PCDH15: variants seen among roughly 807,000 people sequenced by gnomAD.
PCDH15 encodes protocadherin-15.
A neutral mutation model predicts 178.5 loss-of-function variants in PCDH15; 129 were observed. That is an observed-to-expected ratio of 0.72 (90% CI 0.63 to 0.84). The LOEUF is 0.84. PCDH15 is among the 40% of genes least tolerant of loss of function. PCDH15 has a pLI of 0.00. For synonymous variants in PCDH15, 800 were observed against 732.0 expected (o/e 1.09, Z -1.50); for missense variants, 2,230 against 2,099.9 (o/e 1.06, Z -1.21).
chr10:55,120,787 C>T (rs747364247), intron 2 of PCDH15, among the ~76,000 whole-genome samples: 2 of 152,194 alleles, frequency 1.3e-5, no homozygotes, highest in Non-Finnish European at 2.9e-5. Flanking sequence ...TCAGATACAG[C>T]TTGGGATATA....
intron 2 of PCDH15, among the ~76,000 whole-genome samples, chr10:55,538,343 C>T (rs1205682506): frequency 6.6e-6 from 1 of 152,170 alleles, no homozygotes; most frequent in Admixed American, 6.6e-5. Flanking sequence ...TTTTCATAGA[C>T]AAAAATGTTC....
chr10:54,216,593 C>T (rs2052095302), intron 9 of PCDH15, among the ~76,000 whole-genome samples: 1 of 152,174 alleles, frequency 6.6e-6, no homozygotes, highest in Admixed American at 6.5e-5. Context: ...ATTATTCCTA[C>T]ATTAAGATTT....
chr10:54,993,396 C>T (rs1465799627), intron 2 of PCDH15, among the ~76,000 whole-genome samples: 1 of 152,074 alleles, frequency 6.6e-6, no homozygotes, highest in Non-Finnish European at 1.5e-5. Context: ...TACATTAAGC[C>T]ACAAATCATG....
chr10:53,821,482 T>C (rs1342040601), intron 32 of PCDH15: 2 of 1,022,570 alleles, frequency 2.0e-6, no homozygotes, highest in Non-Finnish European at 2.3e-6. Context: ...GGAACATTCA[T>C]ATAAAACTAC....
rs1565865489 is a variant in PCDH15 at position 54,655,261 on chromosome 10, AGAGAGAGAGAG to A, written c.91+8900_91+8910del. ...GGGAAAGAAAGAAAGAAAGAAAGAG[AGAGAGAGAGAG>A]AGAGAGAGAGAGAGAGAGAGAGAGA... On this transcript the variant is annotated intron_variant, in intron 2 of 37. Coordinates refer to ENST00000644397, the MANE Select transcript of PCDH15 (RefSeq NM_001384140.1). Among the ~76,000 whole-genome samples, 326 of 71,986 alleles carry A rather than the reference AGAGAGAGAGAG, an allele frequency of 4.5e-3. 2 individuals carry two copies. Among genetic ancestry groups the A allele is most frequent in the African/African-American group, 0.013 (268 of 20,846 alleles). The allele number at this position is 71,986 out of a possible 152,430, so 47.2% of individuals were successfully genotyped here.
chr10:54,360,858 G>T (rs950067979), intron 5 of PCDH15, among the ~76,000 whole-genome samples: 9 of 151,982 alleles, frequency 5.9e-5, no homozygotes, highest in Admixed American at 5.9e-4. Context: ...GATTTGAATT[G>T]ACAAATTTAT....
chr10:54,734,358 AT>A (rs1216585855), intron 1 of PCDH15, among the ~76,000 whole-genome samples: 3 of 151,992 alleles, frequency 2.0e-5, no homozygotes, highest in East Asian at 1.9e-4. Flanking sequence ...ACATTATAAT[AT>A]TTTTTTAAAG....
intron 1 of PCDH15, among the ~76,000 whole-genome samples, chr10:55,300,574 A>G: frequency 6.6e-6 from 1 of 152,152 alleles, no homozygotes; most frequent in East Asian, 1.9e-4. Context: ...AAATTCACCC[A>G]ATATTTACAT....
Position 54,831,814 on chromosome 10 carries a change from C to T in PCDH15, c.-29+65636G>A, listed in dbSNP as rs529198033. 5.3e-5 allele frequency among the ~76,000 whole-genome samples: 8 copies of T among 151,948 alleles called. No homozygotes were observed. The East Asian group carries it at 1.5e-3, about 29-fold the overall frequency. On this transcript the variant is annotated intron_variant, in intron 3 of 5. Transcript: ENST00000458638. ...ATTTATTACATGATCAATTGGCCAC[C>T]GTACTTCACTAGCCCATTAATAAAT... is the stretch of plus-strand genomic sequence containing the variant.
At chr10:55,442,470 T>TATATTATATATATATAATATAGATA (rs5785132) in intron 2 of PCDH15, among the ~76,000 whole-genome samples, 1 of 124,698 alleles carries the variant, frequency 8.0e-6, no homozygotes, top group Admixed American at 8.6e-5. Flanking sequence ...TATATATATA[T>TATATTATATATATATAATATAGATA]TATATATATA....
At chr10:54,478,501 C>CTCA in intron 3 of PCDH15, among the ~76,000 whole-genome samples, 1 of 152,234 alleles carries the variant, frequency 6.6e-6, no homozygotes, top group East Asian at 1.9e-4. Flanking sequence ...AATGCTCTAT[C>CTCA]TCATTCCTTT....
chr10:54,586,589 C>T (rs1243085439), intron 2 of PCDH15, among the ~76,000 whole-genome samples: 2 of 152,106 alleles, frequency 1.3e-5, no homozygotes. Context: ...ACATAACTAG[C>T]AAATGCTAAA....
intron 1 of PCDH15, among the ~76,000 whole-genome samples, chr10:54,698,527 A>G (rs2095265595): frequency 6.6e-6 from 1 of 152,096 alleles, no homozygotes; most frequent in Non-Finnish European, 1.5e-5. Context: ...GAGATGAGAT[A>G]TTTGTCATTC....
At position 54,430,532 on chromosome 10, in the gene PCDH15, C is replaced by T. The variant is rs116444861; in HGVS notation, c.158-51590G>A. On this transcript the variant is annotated intron_variant, in intron 3 of 37. Transcript: ENST00000644397. ...TAATTTTGGAAATTTAAAATATATG[C>T]TCTTGAATGACCATCCAGTGTTTCA... Among the ~76,000 whole-genome samples, 719 of 152,100 alleles carry T rather than the reference C, an allele frequency of 4.7e-3. 5 individuals are homozygous for T. Among genetic ancestry groups the T allele is most frequent in the African/African-American group, 0.016 (678 of 41,512 alleles).
At chr10:55,562,243 T>C (rs1842214375) in intron 2 of PCDH15, among the ~76,000 whole-genome samples, 1 of 152,016 alleles carries the variant, frequency 6.6e-6, no homozygotes, top group Admixed American at 6.6e-5. Flanking sequence ...AATACCATTG[T>C]TGTCCCTTAT....
At chr10:55,037,873 AATATATT>A (rs1840776617) in intron 2 of PCDH15, among the ~76,000 whole-genome samples, 1 of 152,176 alleles carries the variant, frequency 6.6e-6, no homozygotes. Flanking sequence ...CTTGGAATGA[AATATATT>A]ATCATGTTGA....
intron 2 of PCDH15, among the ~76,000 whole-genome samples, chr10:55,142,871 A>C (rs1838392946): frequency 6.6e-6 from 1 of 151,964 alleles, no homozygotes; most frequent in East Asian, 2.0e-4. Context: ...GAAATAAATG[A>C]GAAGGAATAA....
chr10:55,139,913 T>A (rs575076471), intron 2 of PCDH15, among the ~76,000 whole-genome samples: 1 of 152,114 alleles, frequency 6.6e-6, no homozygotes, highest in Non-Finnish European at 1.5e-5. Flanking sequence ...TAAGACATTG[T>A]GTCTATAATT....
chr10:53,821,809 A>G, intron 32 of PCDH15: 1 of 1,606,842 alleles, frequency 6.2e-7, no homozygotes, highest in Non-Finnish European at 8.5e-7. Context: ...TTCAACTTGA[A>G]GACTATGATC....
Sources: gnomAD v4.1 joint callset for allele counts (sites outside exome capture counted in the v4.1 genomes callset) on GRCh38, gnomAD v4.1.1 for gene constraint, MANE v1.5 for transcripts, NCBI Gene and HGNC (gene_info 2026-07-23, HGNC 2026-07-21) for gene names.